Variants in WDFY3 observed in about 807,000 individuals in gnomAD.
WDFY3 encodes the protein WD repeat and FYVE domain containing 3.
In WDFY3, 66 loss-of-function variants were observed where a neutral mutation model predicts 409.6. The observed-to-expected ratio is 0.16, with a 90% CI of 0.13 to 0.20. The LOEUF is 0.20. Among genes scored for constraint, WDFY3 ranks in the 10% least tolerant of loss-of-function variants. The pLI is 1.00. For missense variants in WDFY3, 3,031 were observed against 4,298.1 expected (o/e 0.71, Z 8.24); for synonymous variants, 1,521 against 1,537.1 (o/e 0.99, Z 0.25).
Position 84,718,585 on chromosome 4 carries a change from A to T in WDFY3, c.7606-15T>A. 1 of 1,602,258 alleles carries T rather than the reference A, an allele frequency of 6.2e-7. No individual in the cohort carries two copies. The highest frequency in any genetic ancestry group is 8.5e-7 in the Non-Finnish European group (1 of 1,175,684). On this transcript the variant is annotated splice_polypyrimidine_tract_variant and intron_variant, in intron 47 of 67. Coordinates refer to ENST00000295888, the MANE Select transcript of WDFY3 (RefSeq NM_014991.6). ...ATGTGTTGGATCTATAAAGAAGCCC[A>T]CAAACATTCATTAATATAGGCTTTT...
At position 84,826,888 on chromosome 4, in the gene WDFY3, T is replaced by C; in HGVS notation, c.1050A>G (p.Leu350=). The C allele has an allele frequency of 6.2e-7, 1 of 1,611,096 alleles. No homozygotes were observed. Among genetic ancestry groups the C allele is most frequent in the Non-Finnish European group, 8.5e-7 (1 of 1,179,262 alleles). Residue 350 remains leucine (L), a synonymous_variant, in exon 10 of 68, where the codon CTA becomes CTG. Transcript: ENST00000295888. ...CCCCTGTGGTAATACCAGCTGGTTTTAGTTCACTGACACCATATGTTGTTA... is the reference window on the plus strand; with the variant it reads ...CCCCTGTGGTAATACCAGCTGGTTTCAGTTCACTGACACCATATGTTGTTA... The part of the protein sequence containing the change: ...TSLTTYGVSE[L]KPAGITTGAP...
intron 11 of WDFY3, 54 bp downstream of exon 11, chr4:84,821,030 T>A: frequency 6.9e-7 from 1 of 1,440,210 alleles, no homozygotes; most frequent in Non-Finnish European, 9.3e-7. Flanking sequence ...AACAAAAAAT[T>A]CTCTGTTTTG....
chr4:84,952,636 T>C (rs1773751559), intron 1 of WDFY3, among the ~76,000 whole-genome samples: 1 of 152,132 alleles, frequency 6.6e-6, no homozygotes, highest in South Asian at 2.1e-4. Flanking sequence ...TCAGCAATGC[T>C]GAACTCCACA....
intron 44 of WDFY3, among the ~76,000 whole-genome samples, chr4:84,731,287 T>G (rs2149155604): frequency 6.6e-6 from 1 of 152,306 alleles, no homozygotes; most frequent in African/African-American, 2.4e-5. Flanking sequence ...CTACCACTTT[T>G]TGAAAATTTG....
intron 21 of WDFY3, among the ~76,000 whole-genome samples, chr4:84,790,243 G>C (rs371382953): frequency 3.1e-4 from 47 of 152,048 alleles, no homozygotes; most frequent in Non-Finnish European, 5.6e-4. Flanking sequence ...CCAGCTACTC[G>C]GGAGGCTGAG....
chr4:84,726,951 AAACAT>A, intron 44 of WDFY3, 40 bp from the exon 45 acceptor site: 4 of 1,545,114 alleles, frequency 2.6e-6, no homozygotes, highest in Non-Finnish European at 3.5e-6. Flanking sequence ...TCAGAAAAAA[AAACAT>A]AAAGAGGAAC....
At chr4:84,693,641 T>C (rs989650527) in intron 58 of WDFY3, among the ~76,000 whole-genome samples, 2 of 152,170 alleles carry the variant, frequency 1.3e-5, no homozygotes, top group African/African-American at 4.8e-5. Flanking sequence ...CTCATGCCTG[T>C]AATCCCAGCA....
In WDFY3 at chr4:84,739,001, G is replaced by A. The variant is rs202193007; in HGVS notation, c.6574+9C>T. ...ACAATTTAAAAACATCCCAAGTCAA[G>A]GCAATTACCTTCACTAATATCTTGG... On this transcript the variant is annotated intron_variant, in intron 40 of 67. Transcript: ENST00000295888. 2,301 of 1,612,934 alleles carry A rather than the reference G, an allele frequency of 1.4e-3. 1 individual carries two copies. Among genetic ancestry groups the A allele is most frequent in the Non-Finnish European group, 1.6e-3 (1,939 of 1,179,188 alleles).
chr4:84,910,790 C>T (rs1767658797), intron 2 of WDFY3, among the ~76,000 whole-genome samples: 2 of 152,162 alleles, frequency 1.3e-5, no homozygotes, highest in Admixed American at 1.3e-4. Context: ...ATTGCAATCC[C>T]TGGCTTCCAG....
At chr4:84,844,342 G>A in intron 5 of WDFY3, 2 of 742,948 alleles carry the variant, frequency 2.7e-6, no homozygotes, top group South Asian at 1.6e-5. Context: ...AAACACCCTT[G>A]CCCCCTCCAA....
At chr4:84,906,490 A>G (rs191860111) in intron 2 of WDFY3, among the ~76,000 whole-genome samples, 14 of 152,310 alleles carry the variant, frequency 9.2e-5, no homozygotes, top group African/African-American at 3.4e-4. Context: ...AATATGTGTA[A>G]TATTTTAATA....
At chr4:84,692,846 T>C in intron 59 of WDFY3, 39 bp downstream of exon 59, 1 of 1,559,564 alleles carries the variant, frequency 6.4e-7, no homozygotes, top group Non-Finnish European at 8.7e-7. Context: ...AACAATCCCA[T>C]TAAATCATTA....
chr4:84,818,425 C>T (rs982398448), intron 12 of WDFY3, among the ~76,000 whole-genome samples: 4 of 152,130 alleles, frequency 2.6e-5, no homozygotes, highest in African/African-American at 9.7e-5. Flanking sequence ...AACAGTCTTA[C>T]TATTATTGCT....
intron 2 of WDFY3, among the ~76,000 whole-genome samples, chr4:84,921,844 A>G (rs1235389087): frequency 6.6e-6 from 1 of 151,244 alleles, no homozygotes. Flanking sequence ...TTTAGCAGAG[A>G]CAAGGTTTCA....
rs985689634 is a variant in WDFY3, at chr4:84,831,555, C to T, written c.627G>A (p.Gln209=). Residue 209 remains glutamine (Q), a synonymous_variant, in exon 8 of 68, where the codon CAG becomes CAA. Transcript: ENST00000295888. ...SFVSPAEELA[Q]KDDLQLLFSA... is the part of the protein sequence containing the mutation. ...TGAATAGAAGCTGGAGATCATCTTT[C>T]TGAGCCAGCTCCTCCGCAGGGGAAA... 1 of 1,613,908 alleles carries T rather than the reference C, an allele frequency of 6.2e-7. No individual in the cohort carries two copies. The highest frequency in any genetic ancestry group is 1.3e-5 in the African/African-American group (1 of 74,926).
intron 49 of WDFY3, 100 bp from the exon 50 acceptor site, chr4:84,715,483 G>T: frequency 1.4e-6 from 1 of 740,094 alleles, no homozygotes; most frequent in Non-Finnish European, 2.2e-6. Flanking sequence ...TGTTCAAGAA[G>T]TTAATCTGCG....
intron 3 of WDFY3, among the ~76,000 whole-genome samples, chr4:84,876,334 T>C (rs1411772920): frequency 6.6e-6 from 1 of 152,202 alleles, no homozygotes; most frequent in Admixed American, 6.5e-5. Context: ...GTATAACATA[T>C]TAGTTACACA....
chr4:84,759,576 G>A (rs1742132794), intron 32 of WDFY3, among the ~76,000 whole-genome samples: 1 of 149,928 alleles, frequency 6.7e-6, no homozygotes, highest in African/African-American at 2.5e-5. Flanking sequence ...ATTGTGAATG[G>A]GAGTTCACTC....
intron 3 of WDFY3, among the ~76,000 whole-genome samples, chr4:84,861,497 C>T (rs2150213445): frequency 6.6e-6 from 1 of 152,030 alleles, no homozygotes; most frequent in South Asian, 2.1e-4. Flanking sequence ...CTACTTTATC[C>T]TATAAATCAT....
Sources: gnomAD v4.1 joint callset for allele counts (sites outside exome capture counted in the v4.1 genomes callset) on GRCh38, gnomAD v4.1.1 for gene constraint, MANE v1.5 for transcripts, NCBI Gene and HGNC (gene_info 2026-07-23, HGNC 2026-07-21) for gene names.